NEBL: variants seen among roughly 807,000 people sequenced by gnomAD.
NEBL encodes the protein LIM and SH3 protein 2.
In NEBL, 122 loss-of-function variants were observed where a neutral mutation model predicts 140.2. That is an observed-to-expected ratio of 0.87 (90% CI 0.75 to 1.01). The LOEUF is 1.01. Among genes scored for constraint, NEBL ranks in the 50% least tolerant of loss-of-function variants. The pLI is 0.00. For synonymous variants in NEBL, 436 were observed against 398.9 expected (o/e 1.09, Z -1.11); for missense variants, 1,365 against 1,231.3 (o/e 1.11, Z -1.62).
At chr10:21,211,192 T>A (rs1841909565) in intron 3 of NEBL, among the ~76,000 whole-genome samples, 2 of 152,038 alleles carry the variant, frequency 1.3e-5, no homozygotes, top group South Asian at 4.1e-4. Context: ...TCAAAAATAG[T>A]CATTGGCCGA....
At chr10:21,018,852 AC>A (rs1838664361) in intron 3 of NEBL, among the ~76,000 whole-genome samples, 1 of 152,150 alleles carries the variant, frequency 6.6e-6, no homozygotes, top group Non-Finnish European at 1.5e-5. Flanking sequence ...AGATGGTGAA[AC>A]CCTGTCCCTA....
At chr10:20,893,617 G>A (rs1847212233) in intron 2 of NEBL, among the ~76,000 whole-genome samples, 1 of 152,130 alleles carries the variant, frequency 6.6e-6, no homozygotes, top group Non-Finnish European at 1.5e-5. Context: ...AGCAGTGCAG[G>A]CTTCCTAGGG....
At chr10:21,137,397 C>T (rs1311512151) in intron 2 of NEBL, among the ~76,000 whole-genome samples, 1 of 152,180 alleles carries the variant, frequency 6.6e-6, no homozygotes, top group Non-Finnish European at 1.5e-5. Context: ...TTCGTATAGC[C>T]TTGGTGTTCA....
intron 3 of NEBL, among the ~76,000 whole-genome samples, chr10:20,986,222 A>G (rs1837253644): frequency 6.6e-6 from 1 of 152,208 alleles, no homozygotes; most frequent in Non-Finnish European, 1.5e-5. Flanking sequence ...TACCATATAT[A>G]TAATTCATGC....
At chr10:20,925,863 T>C (rs567830568) in intron 4 of NEBL, among the ~76,000 whole-genome samples, 1 of 152,298 alleles carries the variant, frequency 6.6e-6, no homozygotes, top group Non-Finnish European at 1.5e-5. Context: ...TTCCTCTAGC[T>C]GAAAGTCAAA....
intron 3 of NEBL, among the ~76,000 whole-genome samples, chr10:20,965,317 G>C (rs1387853114): frequency 1.3e-5 from 2 of 152,212 alleles, no homozygotes; most frequent in African/African-American, 4.8e-5. Flanking sequence ...AAAATAGCGA[G>C]ACAAGGGGAC....
In NEBL at chr10:20,888,957, G is replaced by C. The variant is rs372003401; in HGVS notation, c.259-750C>G. The stretch of plus-strand genomic sequence containing the variant: ...CTGCTCAGAGCTAGATTTCAGTATT[G>C]ATTTATTGAGCACAGATCCTGTGCT... On this transcript the variant is annotated intron_variant, in intron 3 of 27. Transcript: ENST00000377122. Among the ~76,000 whole-genome samples the C allele has an allele frequency of 1.1e-4, 17 of 152,280 alleles. No homozygotes were observed. In the South Asian group the frequency reaches 3.5e-3, roughly 32 times the overall value.
At chr10:21,132,579 C>T (rs996038582) in intron 2 of NEBL, among the ~76,000 whole-genome samples, 1 of 152,168 alleles carries the variant, frequency 6.6e-6, no homozygotes, top group Non-Finnish European at 1.5e-5. Context: ...TCTAAAGTAG[C>T]TGCACCATTT....
At chr10:20,819,247 C>T in intron 20 of NEBL, 177 bp downstream of exon 20, 1 of 1,108,286 alleles carries the variant, frequency 9.0e-7, no homozygotes, top group South Asian at 1.5e-5. Flanking sequence ...GCTCCGGTGT[C>T]TGTTATTCCC....
At chr10:21,040,045 A>G (rs919034345) in intron 2 of NEBL, among the ~76,000 whole-genome samples, 17 of 152,220 alleles carry the variant, frequency 1.1e-4, no homozygotes, top group African/African-American at 1.7e-4. Context: ...TGTTGATATA[A>G]GAATACCTGA....
At chr10:21,271,368 G>T (rs983909274) in intron 1 of NEBL, among the ~76,000 whole-genome samples, 2 of 152,182 alleles carry the variant, frequency 1.3e-5, no homozygotes, top group African/African-American at 4.8e-5. Flanking sequence ...AGAGGTGGTT[G>T]CTAGCGGCTG....
intron 4 of NEBL, among the ~76,000 whole-genome samples, chr10:20,936,155 A>G (rs997806005): frequency 1.3e-5 from 2 of 152,190 alleles, no homozygotes; most frequent in African/African-American, 4.8e-5. Context: ...AAAACTACCA[A>G]TTATTAAGCA....
At chr10:21,056,134 G>A (rs1835015432) in intron 2 of NEBL, among the ~76,000 whole-genome samples, 1 of 152,170 alleles carries the variant, frequency 6.6e-6, no homozygotes, top group African/African-American at 2.4e-5. Flanking sequence ...CATGATGTAG[G>A]ATGATTATCT....
At chr10:20,869,654 A>G (rs1409767866) in intron 6 of NEBL, 86 bp downstream of exon 6, 4 of 873,254 alleles carry the variant, frequency 4.6e-6, no homozygotes, top group Non-Finnish European at 3.9e-6. Context: ...CACTAATTAA[A>G]TGAACCATCC....
chr10:21,118,679 T>C (rs946803735), intron 2 of NEBL, among the ~76,000 whole-genome samples: 2 of 152,192 alleles, frequency 1.3e-5, no homozygotes, highest in South Asian at 2.1e-4. Context: ...AGATATGCCA[T>C]GGGCAGAACT....
chr10:21,289,286 A>T (rs1843110873), intron 1 of NEBL, among the ~76,000 whole-genome samples: 1 of 152,144 alleles, frequency 6.6e-6, no homozygotes, highest in African/African-American at 2.4e-5. Flanking sequence ...CCAGCTGGGT[A>T]TGAGAGGAGC....
At chr10:21,273,089 G>A (rs1449665065) in intron 1 of NEBL, among the ~76,000 whole-genome samples, 1 of 152,162 alleles carries the variant, frequency 6.6e-6, no homozygotes, top group Non-Finnish European at 1.5e-5. Context: ...CTACTTGATT[G>A]GAGGTTCCAC....
intron 26 of NEBL, among the ~76,000 whole-genome samples, chr10:20,799,985 G>A (rs570921980): frequency 1.3e-5 from 2 of 152,098 alleles, no homozygotes; most frequent in East Asian, 3.9e-4. Flanking sequence ...GTGTGAGAGA[G>A]CGAGCAAAGG....
intron 4 of NEBL, among the ~76,000 whole-genome samples, chr10:20,938,155 T>C (rs1834609013): frequency 6.6e-6 from 1 of 152,342 alleles, no homozygotes; most frequent in South Asian, 2.1e-4. Context: ...AGTGGGTCCC[T>C]GACCCCCGAG....
Sources: allele counts gnomAD v4.1 joint callset (sites outside exome capture counted in the v4.1 genomes callset), GRCh38; gene constraint gnomAD v4.1.1; transcripts MANE v1.5; gene names NCBI Gene and HGNC (gene_info 2026-07-23, HGNC 2026-07-21).